Variants in RNF125 observed in about 807,000 individuals in gnomAD.
RNF125 encodes ring finger protein 125, also known as E3 ubiquitin-protein ligase RNF125.
Under a neutral mutation model 26.0 loss-of-function variants are expected in RNF125, and 21 were observed. The observed-to-expected ratio is 0.81, with a 90% CI of 0.57 to 1.16. The LOEUF is 1.16. Among genes scored for constraint, RNF125 ranks in the 50% most tolerant of loss-of-function variants. RNF125 has a pLI of 0.00. For missense variants in RNF125, 270 were observed against 299.4 expected (o/e 0.90, Z 0.72); for synonymous variants, 95 against 109.2 (o/e 0.87, Z 0.81).
chr18:32,073,072 T>TATA lies in RNF125; in HGVS notation c.*4690_*4691insAAT. ...GTCACTAAGAGATTCATTCTTTTAT[T>TATA]ATTCAACTACAAAAAAATAGTGTAA... On this transcript the variant is annotated 3_prime_UTR_variant, in exon 6 of 6. Coordinates refer to ENST00000217740, the MANE Select transcript of RNF125 (RefSeq NM_017831.4). 6.6e-6 allele frequency: 1 copy of TATA among 152,208 alleles called. No homozygotes were observed. Among genetic ancestry groups the TATA allele is most frequent in the East Asian group, 1.9e-4 (1 of 5,186 alleles). 9.4% of individuals were successfully genotyped at this position (152,208 alleles called of 1,614,324 possible).
Position 32,024,222 on chromosome 18 carries a change from AGATG to A in RNF125, c.164+5198_164+5201del, listed in dbSNP as rs1233502284. Among the ~76,000 whole-genome samples, 194 of 127,412 alleles carry A rather than the reference AGATG, an allele frequency of 1.5e-3. 1 individual carries two copies. The highest frequency in any genetic ancestry group is 5.8e-3 in the African/African-American group (191 of 32,904). 83.6% of individuals were successfully genotyped at this position (127,412 alleles called of 152,430 possible). A position where few individuals can be genotyped will look rare whatever the true frequency, so the allele number is the denominator to read the frequency against. Reference sequence around the variant, plus strand: ...TTTTTTTTTTTTCTTTTTTTTTTTAAGATGGAGTCTCACTGTGTCACCCAGGCTG... The same window carrying A: ...TTTTTTTTTTTTCTTTTTTTTTTTAAGAGTCTCACTGTGTCACCCAGGCTG... On this transcript the variant is annotated intron_variant, in intron 1 of 5. Coordinates refer to ENST00000217740, the MANE Select transcript of RNF125 (RefSeq NM_017831.4).
chr18:32,080,016 C>T, the RNF125 span, among the ~76,000 whole-genome samples: 1 of 152,000 alleles, frequency 6.6e-6, no homozygotes, highest in East Asian at 1.9e-4. Flanking sequence ...CTTATATCCA[C>T]TATGTTTTTG....
At chr18:32,036,959 T>C (rs1434777779) in intron 1 of RNF125, among the ~76,000 whole-genome samples, 157 bp from the exon 2 acceptor site, 2 of 152,090 alleles carry the variant, frequency 1.3e-5, no homozygotes, top group African/African-American at 4.8e-5. Flanking sequence ...GGTAAGCAAT[T>C]CTCGGGAAGT....
intron 1 of RNF125, chr18:32,031,486 GAAAAAAAAAA>G (rs745809061): frequency 4.3e-4 from 9 of 20,956 alleles, no homozygotes; most frequent in Admixed American, 3.3e-3. Flanking sequence ...CAAATTGTGG[GAAAAAAAAAA>G]AAAAAAAAAA....
chr18:32,067,207 C>T (rs776308355), intron 5 of RNF125, among the ~76,000 whole-genome samples: 9 of 152,110 alleles, frequency 5.9e-5, no homozygotes, highest in African/African-American at 1.2e-4. Context: ...GAACCGTGAT[C>T]GCGCCACTGC....
At chr18:32,056,251 C>T (rs1189276629) in intron 4 of RNF125, among the ~76,000 whole-genome samples, 3 of 151,892 alleles carry the variant, frequency 2.0e-5, no homozygotes, top group African/African-American at 7.3e-5. Context: ...GTACTGACTC[C>T]TCGTAAATCT....
At chr18:32,084,662 T>C in the RNF125 span, among the ~76,000 whole-genome samples, 2 of 152,182 alleles carry the variant, frequency 1.3e-5, no homozygotes, top group Non-Finnish European at 2.9e-5. Flanking sequence ...AATATCAGAA[T>C]CTCAGTTCCA....
intron 1 of RNF125, chr18:32,031,035 G>T (rs1449961160): frequency 6.6e-6 from 1 of 152,054 alleles, no homozygotes; most frequent in African/African-American, 2.4e-5. Context: ...ATTCATCACA[G>T]TGGAGCCCTT....
chr18:32,048,000 C>T (rs930870794), intron 4 of RNF125, among the ~76,000 whole-genome samples: 6 of 152,106 alleles, frequency 3.9e-5, no homozygotes, highest in East Asian at 1.9e-4. Context: ...TGGTGGCATG[C>T]GCCTTTAGTC....
At chr18:32,051,985 G>A (rs1405409794) in intron 4 of RNF125, among the ~76,000 whole-genome samples, 1 of 151,858 alleles carries the variant, frequency 6.6e-6, no homozygotes, top group African/African-American at 2.4e-5. Context: ...ACCACGTCCA[G>A]CCTGAGTTCT....
chr18:32,053,088 T>C (rs59338045), intron 4 of RNF125, among the ~76,000 whole-genome samples: 13,942 of 152,244 alleles, frequency 0.092, 2,089 homozygotes, highest in African/African-American at 0.32. Context: ...ATTGGCTGGG[T>C]GTGGTGGCTC....
rs1598804724 is a variant in RNF125, at chr18:32,020,034, TTGA to T, written c.164+1008_164+1010del. Among the ~76,000 whole-genome samples, 14 of 121,388 alleles carry T rather than the reference TTGA, an allele frequency of 1.2e-4. No homozygotes were observed. In the South Asian group the frequency reaches 2.5e-3, roughly 22 times the overall value. 79.6% of individuals were successfully genotyped at this position (121,388 alleles called of 152,430 possible). ...TGTGTGTGTGTGTGTGTGTGTGTGT[TTGA>T]GAGAGAGAGAGAGAGACGTAGTCTG... On this transcript the variant is annotated intron_variant, in intron 1 of 5. Transcript: ENST00000217740.
chr18:32,071,608 T>C lies in RNF125; in HGVS notation c.*3224T>C, dbSNP rs531387109. 6.6e-6 allele frequency: 1 copy of C among 152,342 alleles called. No individual in the cohort carries two copies. Among genetic ancestry groups the C allele is most frequent in the African/African-American group, 2.4e-5 (1 of 41,578 alleles). The allele number at this position is 152,342 out of a possible 1,614,324, so 9.4% of individuals were successfully genotyped here. ...TACTTGACTAGAGTTAGCTTTTTAA[T>C]TGTAATCATTTATAAACTTCTTTGT... On this transcript the variant is annotated 3_prime_UTR_variant, in exon 6 of 6. Coordinates refer to ENST00000217740, the MANE Select transcript of RNF125 (RefSeq NM_017831.4).
chr18:32,054,782 A>T (rs949102780), intron 4 of RNF125, among the ~76,000 whole-genome samples: 3 of 152,212 alleles, frequency 2.0e-5, no homozygotes, highest in African/African-American at 7.2e-5. Flanking sequence ...TTCTTTATTC[A>T]TGAGGTGTCT....
intron 2 of RNF125, among the ~76,000 whole-genome samples, chr18:32,039,945 A>G (rs972032755): frequency 6.6e-6 from 1 of 151,814 alleles, no homozygotes; most frequent in Non-Finnish European, 1.5e-5. Flanking sequence ...ATGCCCGGCT[A>G]ATTTTTGTAT....
In RNF125 at chr18:32,071,615, C is replaced by T. The variant is rs1302924227; in HGVS notation, c.*3231C>T. On this transcript the variant is annotated 3_prime_UTR_variant, in exon 6 of 6. Transcript: ENST00000217740. ...CTAGAGTTAGCTTTTTAATTGTAATCATTTATAAACTTCTTTGTTCCTTAC... is the reference window on the plus strand; with the variant it reads ...CTAGAGTTAGCTTTTTAATTGTAATTATTTATAAACTTCTTTGTTCCTTAC... The T allele has an allele frequency of 6.6e-6, 1 of 152,208 alleles. No individual in the cohort carries two copies. Among genetic ancestry groups the T allele is most frequent in the Non-Finnish European group, 1.5e-5 (1 of 68,042 alleles). 9.4% of individuals were successfully genotyped at this position (152,208 alleles called of 1,614,324 possible). A position where few individuals can be genotyped will look rare whatever the true frequency, so the allele number is the denominator to read the frequency against.
At chr18:32,044,513 C>T (rs182485394) in intron 3 of RNF125, among the ~76,000 whole-genome samples, 239 of 152,068 alleles carry the variant, frequency 1.6e-3, no homozygotes, top group Non-Finnish European at 1.8e-3. Context: ...CAAAATTCAG[C>T]GTGTATCTTA....
intron 1 of RNF125, among the ~76,000 whole-genome samples, chr18:32,032,528 A>G (rs1228517101): frequency 6.6e-6 from 1 of 151,908 alleles, no homozygotes; most frequent in East Asian, 1.9e-4. Context: ...CTTTCTATTT[A>G]TGTGATTTTT....
chr18:32,024,939 C>T (rs1052427770), intron 1 of RNF125, among the ~76,000 whole-genome samples: 12 of 151,962 alleles, frequency 7.9e-5, no homozygotes, highest in South Asian at 2.1e-4. Context: ...AAAAATTAGC[C>T]GGGCATGGTG....
Sources: gnomAD v4.1 joint callset for allele counts (sites outside exome capture counted in the v4.1 genomes callset) on GRCh38, gnomAD v4.1.1 for gene constraint, MANE v1.5 for transcripts, NCBI Gene and HGNC (gene_info 2026-07-23, HGNC 2026-07-21) for gene names.